The following ADAM32 variants were observed in gnomAD, a reference collection of about 807,000 sequenced individuals.
ADAM32 encodes the protein ADAM metallopeptidase domain 32, also known as disintegrin and metalloproteinase domain-containing protein 32.
Under a neutral mutation model 114.9 loss-of-function variants are expected in ADAM32, and 89 were observed. The observed-to-expected ratio is 0.77, with a 90% CI of 0.65 to 0.92. The LOEUF (loss-of-function observed/expected upper bound fraction) is 0.92. ADAM32 is among the 40% of genes least tolerant of loss of function. ADAM32 has a pLI of 0.00. For synonymous variants in ADAM32, 285 were observed against 307.5 expected (o/e 0.93, Z 0.77); for missense variants, 870 against 932.8 (o/e 0.93, Z 0.88).
At position 39,107,822 on chromosome 8, in the gene ADAM32, C is replaced by G; in HGVS notation, c.47C>G (p.Ala16Gly). 2 of 1,546,316 alleles carry G rather than the reference C, an allele frequency of 1.3e-6. No homozygotes were observed. The highest frequency in any genetic ancestry group is 1.7e-6 in the Non-Finnish European group (2 of 1,144,888). ...CTGGCCGGGCTCTGCGGCCTCCTGGCGTCAAGACCCGGTGAGCCAGCCCAG... is the reference window on the plus strand; with the variant it reads ...CTGGCCGGGCTCTGCGGCCTCCTGGGGTCAAGACCCGGTGAGCCAGCCCAG... ...LLLAGLCGLL[A>G]SRPGFQNSLL... The change falls in exon 1 of 25, where the codon GCG (alanine) becomes GGG (glycine). Residue 16 changes from alanine (A) to glycine (G), a missense_variant. Ala to Gly is a moderately conservative substitution (Grantham distance 60, BLOSUM62 0). Coordinates refer to ENST00000379907, the MANE Select transcript of ADAM32 (RefSeq NM_145004.7).
Position 39,151,503 on chromosome 8 carries a change from C to A in ADAM32, c.480C>A (p.Ser160Arg), listed in dbSNP as rs781190970. Residue 160 changes from serine to arginine, a missense_variant, in exon 6 of 25, where the codon AGC (serine) becomes AGA (arginine). Transcript: ENST00000379907. ...ATATTGCAATTTTTATTGACAGAAG[C>A]CTGAAAGAACAACCAATGGATGACA... ...DNDIAIFIDR[S>R]LKEQPMDDNI... 3.8e-6 allele frequency: 6 copies of A among 1,592,714 alleles called. No individual in the cohort carries two copies. Among genetic ancestry groups the A allele is most frequent in the South Asian group, 2.3e-5 (2 of 85,446 alleles).
intron 12 of ADAM32, among the ~76,000 whole-genome samples, chr8:39,212,677 T>A (rs973638512): frequency 6.6e-6 from 1 of 152,220 alleles, no homozygotes; most frequent in East Asian, 1.9e-4. Context: ...TAATATTTAA[T>A]TGTGTGGATA....
At chr8:39,274,536 G>A (rs1812955134) in intron 21 of ADAM32, among the ~76,000 whole-genome samples, 186 bp downstream of exon 21, 1 of 152,166 alleles carries the variant, frequency 6.6e-6, no homozygotes, top group African/African-American at 2.4e-5. Context: ...TTTAATAAAT[G>A]TTTACTGGAG....
chr8:39,211,170 G>A lies in ADAM32; in HGVS notation c.1079G>A (p.Ser360Asn). ...VVQSNGVKTFSSCSLRSFQNF... is the reference protein window; with the variant it reads ...VVQSNGVKTFNSCSLRSFQNF... ...CAATCCAATGGTGTGAAGACTTTTAGCAGTTGCAGTTTGAGGAGCTTTCAA... is the reference window on the plus strand; with the variant it reads ...CAATCCAATGGTGTGAAGACTTTTAACAGTTGCAGTTTGAGGAGCTTTCAA... The change falls in exon 12 of 25, where the codon AGC (serine) becomes AAC (asparagine). Residue 360 changes from serine (S) to asparagine (N), a missense_variant. By Grantham distance (46) the Ser-to-Asn change is conservative. Transcript: ENST00000379907. 1.3e-6 allele frequency: 2 copies of A among 1,598,500 alleles called. No homozygotes were observed. The highest frequency in any genetic ancestry group is 1.7e-6 in the Non-Finnish European group (2 of 1,173,654).
chr8:39,147,821 T>C (rs1347439621), intron 4 of ADAM32, among the ~76,000 whole-genome samples: 1 of 152,202 alleles, frequency 6.6e-6, no homozygotes, highest in Non-Finnish European at 1.5e-5. Context: ...TTGCCCAGGC[T>C]AGAGTGCAAT....
At chr8:39,195,470 G>A (rs1033243076) in intron 11 of ADAM32, among the ~76,000 whole-genome samples, 1 of 151,892 alleles carries the variant, frequency 6.6e-6, no homozygotes, top group East Asian at 1.9e-4. Context: ...TGTTTTTGTT[G>A]CCTGTGCTTT....
chr8:39,128,945 T>C (rs1324749758), intron 2 of ADAM32, among the ~76,000 whole-genome samples: 1 of 152,192 alleles, frequency 6.6e-6, no homozygotes, highest in African/African-American at 2.4e-5. Context: ...CTTGTTTTGG[T>C]AAATTTATCA....
intron 11 of ADAM32, among the ~76,000 whole-genome samples, chr8:39,193,828 A>G (rs1806762113): frequency 6.6e-6 from 1 of 152,102 alleles, no homozygotes; most frequent in African/African-American, 2.4e-5. Context: ...ATCATGCCCC[A>G]GCTTTGTTCT....
In ADAM32 at chr8:39,165,096, A is replaced by G. The variant is rs1376777898; in HGVS notation, c.733A>G (p.Ile245Val). ...SLELWSDENK[I>V]STVGEADELL... ...GGAGTTATGGTCAGATGAAAATAAG[A>G]TTTCTACAGTTGGTGAGGCAGATGA... The change falls in exon 9 of 25, where the codon ATT becomes GTT. Residue 245 changes from isoleucine to valine, a missense_variant. Ile to Val is a conservative substitution (Grantham distance 29, BLOSUM62 3). Coordinates refer to ENST00000379907, the MANE Select transcript of ADAM32 (RefSeq NM_145004.7). The G allele has an allele frequency of 7.5e-6, 12 of 1,609,912 alleles. No homozygotes were observed. Among genetic ancestry groups the G allele is most frequent in the Non-Finnish European group, 8.5e-6 (10 of 1,177,708 alleles).
At position 39,169,898 on chromosome 8, in the gene ADAM32, G is replaced by A. The variant is rs1472065058; in HGVS notation, c.834-18G>A. Reference sequence around the variant, plus strand: ...TTGTCTGTTAAAATCAATTATAAATGTAAATTTATTTATTTAGTTATATGG... The same window carrying A: ...TTGTCTGTTAAAATCAATTATAAATATAAATTTATTTATTTAGTTATATGG... On this transcript the variant is annotated intron_variant, in intron 9 of 24. Transcript: ENST00000379907. 6.7e-7 allele frequency: 1 copy of A among 1,484,298 alleles called. No individual in the cohort carries two copies. The highest frequency in any genetic ancestry group is 9.2e-7 in the Non-Finnish European group (1 of 1,083,322). The allele number at this position is 1,484,298 out of a possible 1,614,324, so 91.9% of individuals were successfully genotyped here.
intron 14 of ADAM32, among the ~76,000 whole-genome samples, chr8:39,229,594 G>C (rs930996134): frequency 6.6e-6 from 1 of 152,170 alleles, no homozygotes; most frequent in African/African-American, 2.4e-5. Flanking sequence ...GCATTTAAAA[G>C]AGACAAAGAG....
At chr8:39,199,087 A>G (rs115430038) in intron 11 of ADAM32, among the ~76,000 whole-genome samples, 46 of 152,226 alleles carry the variant, frequency 3.0e-4, no homozygotes, top group African/African-American at 1.0e-3. Flanking sequence ...ATTTATTCTC[A>G]TGGGTAGTCC....
chr8:39,177,328 T>C (rs1399481378), intron 10 of ADAM32, among the ~76,000 whole-genome samples: 1 of 152,196 alleles, frequency 6.6e-6, no homozygotes, highest in African/African-American at 2.4e-5. Context: ...CCCAAAGTGC[T>C]TGAGTGATTA....
chr8:39,130,522 A>G (rs1036604592), intron 2 of ADAM32, among the ~76,000 whole-genome samples: 2 of 152,000 alleles, frequency 1.3e-5, no homozygotes, highest in African/African-American at 4.8e-5. Context: ...TTCTTTCTAC[A>G]TAGGTACCTA....
chr8:39,231,130 T>C (rs1809708835), intron 14 of ADAM32, among the ~76,000 whole-genome samples: 1 of 152,116 alleles, frequency 6.6e-6, no homozygotes, highest in African/African-American at 2.4e-5. Context: ...CTACAATCAG[T>C]CAGTTTTGAG....
chr8:39,128,434 A>C (rs1802244647), intron 2 of ADAM32, among the ~76,000 whole-genome samples: 1 of 152,022 alleles, frequency 6.6e-6, no homozygotes, highest in Non-Finnish European at 1.5e-5. Context: ...ATAGTCTCTT[A>C]AAGACAGCAT....
chr8:39,213,918 C>A (rs545153027), intron 12 of ADAM32, among the ~76,000 whole-genome samples: 2 of 152,140 alleles, frequency 1.3e-5, no homozygotes, highest in African/African-American at 2.4e-5. Context: ...TTAGCTCCCA[C>A]AAATAAGTGG....
At chr8:39,231,913 A>G (rs1809757859) in intron 14 of ADAM32, 114 bp from the exon 15 acceptor site, 1 of 871,138 alleles carries the variant, frequency 1.1e-6, no homozygotes, top group Admixed American at 2.7e-5. Context: ...CTCACTAGGA[A>G]AAATGTTTCA....
chr8:39,183,371 A>T lies in ADAM32; in HGVS notation c.916-3538A>T, dbSNP rs78933392. ...TGGTCCCAGAATGGTGGGGAAGTTA[A>T]ATGTCTGCCTCTAATTCACCCCTAC... On this transcript the variant is annotated intron_variant, in intron 10 of 24. Transcript: ENST00000379907. Among the ~76,000 whole-genome samples the T allele has an allele frequency of 5.4e-3, 816 of 152,254 alleles. 10 individuals carry two copies. The highest frequency in any genetic ancestry group is 0.019 in the African/African-American group (780 of 41,550).
Sources: gnomAD v4.1 joint callset for allele counts (sites outside exome capture counted in the v4.1 genomes callset) on GRCh38, gnomAD v4.1.1 for gene constraint, MANE v1.5 for transcripts, NCBI Gene and HGNC (gene_info 2026-07-23, HGNC 2026-07-21) for gene names.